The following GRB14 variants were observed in gnomAD, a reference collection of about 807,000 sequenced individuals.
GRB14 encodes the protein growth factor receptor bound protein 14.
Under a neutral mutation model 69.1 loss-of-function variants are expected in GRB14, and 38 were observed. That is an observed-to-expected ratio of 0.55 (90% CI 0.42 to 0.72). GRB14 has a LOEUF of 0.72. Among genes scored for constraint, GRB14 ranks in the 30% least tolerant of loss-of-function variants. GRB14 has a pLI of 0.00. For missense variants in GRB14, 666 were observed against 666.1 expected, an observed-to-expected ratio of 1.00 and a Z score of 0.00; for synonymous variants, 247 against 241.3, an observed-to-expected ratio of 1.02 and a Z score of -0.22.
chr2:164,514,379 G>A lies in GRB14; in HGVS notation c.817-5527C>T, dbSNP rs986369631. On this transcript the variant is annotated intron_variant, in intron 6 of 13. Coordinates refer to ENST00000263915, the MANE Select transcript of GRB14 (RefSeq NM_004490.3). The stretch of plus-strand genomic sequence containing the variant: ...CCAGAAGACAGCCAAAAAACTGTGA[G>A]TACCCAAAGTGTGAAAAGGGGGATC... Among the ~76,000 whole-genome samples, 56 of 152,144 alleles carry A rather than the reference G, an allele frequency of 3.7e-4. 2 individuals are homozygous for A. Among genetic ancestry groups the A allele is most frequent in the Admixed American group, 3.6e-3 (55 of 15,272 alleles).
rs142433693 is a variant in GRB14, at chr2:164,615,371, A to G, written c.324+4316T>C. On this transcript the variant is annotated intron_variant, in intron 2 of 13. Transcript: ENST00000263915. The stretch of plus-strand genomic sequence containing the variant: ...GAAAAAACGTAGTTACATTTCGGGA[A>G]GAAATAAAAAGAGGAATTCCAGGTC... Among the ~76,000 whole-genome samples the G allele has an allele frequency of 9.5e-3, 1,450 of 152,344 alleles. 59 individuals are homozygous for G. The highest frequency in any genetic ancestry group is 0.077 in the Admixed American group (1,180 of 15,290).
At position 164,586,442 on chromosome 2, in the gene GRB14, T is replaced by G. The variant is rs1335047959; in HGVS notation, c.324+33245A>C. On this transcript the variant is annotated intron_variant, in intron 2 of 13. Coordinates refer to ENST00000263915, the MANE Select transcript of GRB14 (RefSeq NM_004490.3). ...ATAAATGTGGCAGCCATTCATCAGA[T>G]GAACCCACATAAAAATACTATAGAT... Among the ~76,000 whole-genome samples, 4 of 152,208 alleles carry G rather than the reference T, an allele frequency of 2.6e-5. No individual in the cohort carries two copies. The South Asian group carries it at 8.3e-4, about 32-fold the overall frequency.
At position 164,494,651 on chromosome 2, in the gene GRB14, G is replaced by A. The variant is rs142692051; in HGVS notation, c.1383-127C>T. 8.4e-4 allele frequency: 578 copies of A among 691,082 alleles called. 5 individuals are homozygous for A. The African/African-American group carries it at 9.1e-3, about 11-fold the overall frequency. The allele number at this position is 691,082 out of a possible 1,614,324, so 42.8% of individuals were successfully genotyped here. ...GGGACTCCTTTACTATGTATTCAAT[G>A]GGTGGGATTATCCAACTTGGCAATC... On this transcript the variant is annotated intron_variant, in intron 12 of 13. Transcript: ENST00000263915.
intron 2 of GRB14, among the ~76,000 whole-genome samples, chr2:164,598,493 A>G (rs141896251): frequency 4.1e-4 from 63 of 152,316 alleles, no homozygotes; most frequent in African/African-American, 1.4e-3. Context: ...TAAATGTACA[A>G]TTACACTGGA....
At chr2:164,602,989 T>A (rs1236730421) in intron 2 of GRB14, among the ~76,000 whole-genome samples, 1 of 152,010 alleles carries the variant, frequency 6.6e-6, no homozygotes, top group African/African-American at 2.4e-5. Flanking sequence ...AAAGACATTG[T>A]ACAAAACTAA....
At chr2:164,523,222 C>T (rs1319896251) in intron 5 of GRB14, among the ~76,000 whole-genome samples, 2 of 152,010 alleles carry the variant, frequency 1.3e-5, no homozygotes, top group African/African-American at 2.4e-5. Context: ...AGATGCCTGT[C>T]CCACAAATTG....
chr2:164,510,413 G>A lies in GRB14; in HGVS notation c.817-1561C>T, dbSNP rs79144080. On this transcript the variant is annotated intron_variant, in intron 6 of 13. Transcript: ENST00000263915. The stretch of plus-strand genomic sequence containing the variant: ...TCCCCATGTGTACGGACATGGGGAG[G>A]TGGAGAGAAGCGTACTTAGAGATTT... Among the ~76,000 whole-genome samples, 209 of 152,308 alleles carry A rather than the reference G, an allele frequency of 1.4e-3. 7 individuals carry two copies. The East Asian group carries it at 0.034, about 25-fold the overall frequency.
At chr2:164,536,178 G>C (rs1688074754) in intron 3 of GRB14, among the ~76,000 whole-genome samples, 2 of 152,094 alleles carry the variant, frequency 1.3e-5, no homozygotes, top group South Asian at 4.1e-4. Flanking sequence ...TTACAGTTTA[G>C]TATGACTTAG....
intron 2 of GRB14, among the ~76,000 whole-genome samples, chr2:164,584,147 A>ATTTTTTTTTTTTTT (rs55883951): frequency 1.4e-4 from 7 of 49,900 alleles, no homozygotes; most frequent in Admixed American, 3.6e-4. Context: ...CAGCCTGGCT[A>ATTTTTTTTTTTTTT]TTTTTTTTTT....
rs139346980 is a variant in GRB14, at chr2:164,510,309, T to C, written c.817-1457A>G. Reference sequence around the variant, plus strand: ...CTCTTGATTTTTGTTCCACCACTGCTAAGGCTTATGGCACTATAAGGCTAT... The same window carrying C: ...CTCTTGATTTTTGTTCCACCACTGCCAAGGCTTATGGCACTATAAGGCTAT... On this transcript the variant is annotated intron_variant, in intron 6 of 13. Coordinates refer to ENST00000263915, the MANE Select transcript of GRB14 (RefSeq NM_004490.3). Among the ~76,000 whole-genome samples, 361 of 152,310 alleles carry C rather than the reference T, an allele frequency of 2.4e-3. 2 individuals carry two copies. Among genetic ancestry groups the C allele is most frequent in the African/African-American group, 8.3e-3 (345 of 41,560 alleles).
At chr2:164,500,111 G>A (rs1439199217) in intron 9 of GRB14, among the ~76,000 whole-genome samples, 2 of 152,080 alleles carry the variant, frequency 1.3e-5, no homozygotes, top group African/African-American at 4.8e-5. Flanking sequence ...CATAAAAAGA[G>A]CTTGAGTAGA....
At chr2:164,525,932 C>A (rs1054641482) in intron 4 of GRB14, among the ~76,000 whole-genome samples, 6 of 151,998 alleles carry the variant, frequency 3.9e-5, no homozygotes, top group African/African-American at 1.4e-4. Context: ...AATCACCTCC[C>A]AGTTAAGAAC....
intron 2 of GRB14, among the ~76,000 whole-genome samples, chr2:164,611,548 A>G (rs1205566566): frequency 6.6e-6 from 1 of 151,470 alleles, no homozygotes; most frequent in Non-Finnish European, 1.5e-5. Context: ...TATTAAACCA[A>G]GTAGAGCCAA....
chr2:164,574,659 G>A lies in GRB14; in HGVS notation c.325-26843C>T, dbSNP rs115733268. Among the ~76,000 whole-genome samples the A allele has an allele frequency of 5.5e-3, 844 of 152,200 alleles. 2 individuals carry two copies. The highest frequency in any genetic ancestry group is 0.02 in the African/African-American group (814 of 41,544). On this transcript the variant is annotated intron_variant, in intron 2 of 13. Coordinates refer to ENST00000263915, the MANE Select transcript of GRB14 (RefSeq NM_004490.3). ...TTTTTGTAGTCAAAACTTATTGATCGTTAGGCATGGTGGCTTATGCCTGTA... is the reference window on the plus strand; with the variant it reads ...TTTTTGTAGTCAAAACTTATTGATCATTAGGCATGGTGGCTTATGCCTGTA...
chr2:164,501,045 A>C (rs1687037340), intron 9 of GRB14, among the ~76,000 whole-genome samples: 1 of 152,142 alleles, frequency 6.6e-6, no homozygotes, highest in East Asian at 1.9e-4. Context: ...TTAATATAAT[A>C]AAATTCATTA....
chr2:164,560,945 T>C (rs1235067464), intron 2 of GRB14, among the ~76,000 whole-genome samples: 1 of 152,126 alleles, frequency 6.6e-6, no homozygotes, highest in Admixed American at 6.5e-5. Context: ...GGGTTTAGAA[T>C]CTGAAATTAC....
chr2:164,531,370 T>C (rs13023450), intron 3 of GRB14, among the ~76,000 whole-genome samples: 29,719 of 152,160 alleles, frequency 0.2, 4,100 homozygotes, highest in African/African-American at 0.37. Flanking sequence ...TGGGAGACAA[T>C]TTCAAGATAT....
chr2:164,514,928 A>G (rs542526730), intron 6 of GRB14, among the ~76,000 whole-genome samples: 1 of 152,262 alleles, frequency 6.6e-6, no homozygotes, highest in Non-Finnish European at 1.5e-5. Context: ...TGAGGCCTGT[A>G]ACTGCCGATT....
chr2:164,571,024 C>A (rs776559392), intron 2 of GRB14, among the ~76,000 whole-genome samples: 2 of 152,028 alleles, frequency 1.3e-5, no homozygotes, highest in Non-Finnish European at 2.9e-5. Context: ...TGAAGCTTAC[C>A]GATACTTTTC....
Sources: allele counts gnomAD v4.1 joint callset (sites outside exome capture counted in the v4.1 genomes callset), GRCh38; gene constraint gnomAD v4.1.1; transcripts MANE v1.5; gene names NCBI Gene and HGNC (gene_info 2026-07-23, HGNC 2026-07-21).